MAP3K13: variants seen among roughly 807,000 people sequenced by gnomAD.
MAP3K13 encodes the protein mitogen-activated protein kinase kinase kinase 13.
MAP3K13 carries 52 observed loss-of-function variants against 104.0 expected under a neutral mutation model. The observed-to-expected ratio is 0.50, with a 90% CI of 0.40 to 0.63. The LOEUF (loss-of-function observed/expected upper bound fraction) is 0.63. Among genes scored for constraint, MAP3K13 ranks in the 20% least tolerant of loss-of-function variants. The pLI is 0.00. For missense variants in MAP3K13, 914 were observed against 1,218.5 expected (o/e 0.75, Z 3.72); for synonymous variants, 394 against 442.2 (o/e 0.89, Z 1.37).
intron 2 of MAP3K13, among the ~76,000 whole-genome samples, chr3:185,433,962 T>G (rs1714887252): frequency 8.1e-6 from 1 of 123,662 alleles, no homozygotes; most frequent in African/African-American, 2.7e-5. Context: ...TATTTGGGAA[T>G]CATTAAATAG....
chr3:185,304,720 G>T (rs879464468), intron 2 of MAP3K13, among the ~76,000 whole-genome samples: 2 of 152,020 alleles, frequency 1.3e-5, no homozygotes, highest in Non-Finnish European at 2.9e-5. Flanking sequence ...TGCAACCTCT[G>T]CCTCCCGGGT....
chr3:185,376,503 G>A (rs553131421), intron 1 of MAP3K13, among the ~76,000 whole-genome samples: 9 of 152,226 alleles, frequency 5.9e-5, no homozygotes, highest in East Asian at 1.9e-4. Context: ...TGAGAACTCC[G>A]ACCACACAGC....
At chr3:185,415,262 C>T (rs1713681923) in intron 1 of MAP3K13, among the ~76,000 whole-genome samples, 1 of 152,098 alleles carries the variant, frequency 6.6e-6, no homozygotes, top group African/African-American at 2.4e-5. Context: ...AAGAGGTTCT[C>T]ATGCCTCAGC....
chr3:185,369,021 C>G (rs892453679), intron 1 of MAP3K13, among the ~76,000 whole-genome samples: 1 of 150,670 alleles, frequency 6.6e-6, no homozygotes, highest in African/African-American at 2.4e-5. Context: ...TTTTTCTATT[C>G]ATTTAATCAA....
At chr3:185,341,253 G>C (rs1053439394) in intron 2 of MAP3K13, among the ~76,000 whole-genome samples, 1 of 152,162 alleles carries the variant, frequency 6.6e-6, no homozygotes, top group African/African-American at 2.4e-5. Context: ...ATAAGAAGAG[G>C]AGAGGACACA....
In MAP3K13 at chr3:185,473,393, C is replaced by G. The variant is rs1717922548; in HGVS notation, c.2062C>G (p.Gln688Glu). 1 of 1,614,100 alleles carries G rather than the reference C, an allele frequency of 6.2e-7. No homozygotes were observed. Residue 688 changes from glutamine to glutamate, a missense_variant, in exon 11 of 14, where the codon CAG becomes GAG. By Grantham distance (29) the Gln-to-Glu change is conservative. Around this residue, in one of 3 missense-constraint regions of MAP3K13, gnomAD observed 583 missense variants for 737.4 expected, o/e 0.79. Transcript: ENST00000265026. The surrounding 1 kb of genome is among the most constrained non-coding windows in gnomAD (Gnocchi z 4.9). ...ALRSPLSNHAQRQLPGSSPDL... is the reference protein window; with the variant it reads ...ALRSPLSNHAERQLPGSSPDL... ...GCGGAGCCCACTCAGCAACCATGCT[C>G]AGAGACAGCTGCCCGGCTCGAGCCC...
chr3:185,329,296 G>A, intron 2 of MAP3K13: 1 of 701,454 alleles, frequency 1.4e-6, no homozygotes, highest in East Asian at 2.7e-5. Context: ...GCAGTGCTTA[G>A]ATTTATCCTC....
intron 1 of MAP3K13, among the ~76,000 whole-genome samples, chr3:185,407,869 ATTTTTTTTTTT>A (rs35693572): frequency 1.4e-5 from 1 of 69,096 alleles, no homozygotes; most frequent in Non-Finnish European, 2.7e-5. Context: ...AATTTTGAGA[ATTTTTTTTTTT>A]TTTTTTTTTT....
At chr3:185,407,857 A>G (rs920752176) in intron 1 of MAP3K13, among the ~76,000 whole-genome samples, 15 of 144,574 alleles carry the variant, frequency 1.0e-4, no homozygotes, top group Non-Finnish European at 2.1e-4. Flanking sequence ...ATTTCCTTGT[A>G]GAATTTTGAG....
At chr3:185,415,110 T>A (rs13097816) in intron 1 of MAP3K13, among the ~76,000 whole-genome samples, 25,326 of 152,136 alleles carry the variant, frequency 0.17, 2,275 homozygotes, top group African/African-American at 0.25. Flanking sequence ...AGCAGCACAC[T>A]ATCCATCACT....
intron 1 of MAP3K13, among the ~76,000 whole-genome samples, chr3:185,404,737 C>T (rs560691194): frequency 2.6e-5 from 4 of 152,028 alleles, no homozygotes; most frequent in African/African-American, 4.8e-5. Flanking sequence ...CCACCACGCC[C>T]GGCTAATTTT....
At chr3:185,468,014 T>C (rs899002334) in intron 10 of MAP3K13, among the ~76,000 whole-genome samples, 3 of 152,058 alleles carry the variant, frequency 2.0e-5, no homozygotes, top group South Asian at 4.2e-4. Context: ...TTCCTTTAAA[T>C]AACCAAATCT....
chr3:185,322,084 A>G (rs879245930), intron 2 of MAP3K13, among the ~76,000 whole-genome samples: 11 of 152,232 alleles, frequency 7.2e-5, no homozygotes, highest in African/African-American at 2.4e-4. Flanking sequence ...TTGTCTTTAA[A>G]AGCTCATGTA....
chr3:185,455,552 T>TGATATATGA lies in MAP3K13; in HGVS notation c.1278+4164_1278+4165insGAGATATAT, dbSNP rs544971566. On this transcript the variant is annotated intron_variant, in intron 7 of 13. Transcript: ENST00000265026. ...ATATGAGATATATATGACATATATA[T>TGATATATGA]GATATATATGAGATATATATGACAT... Among the ~76,000 whole-genome samples, 5 of 51,514 alleles carry TGATATATGA rather than the reference T, an allele frequency of 9.7e-5. 1 individual carries two copies. The highest frequency in any genetic ancestry group is 1.5e-4 in the African/African-American group (3 of 19,782). The allele number at this position is 51,514 out of a possible 152,430, so 33.8% of individuals were successfully genotyped here.
chr3:185,353,881 A>C (rs924120853), intron 2 of MAP3K13, among the ~76,000 whole-genome samples: 1 of 152,098 alleles, frequency 6.6e-6, no homozygotes, highest in Admixed American at 6.5e-5. Context: ...GAAACTGACC[A>C]TAACCACACC....
chr3:185,444,139 A>G (rs1715471055), intron 4 of MAP3K13, among the ~76,000 whole-genome samples: 1 of 152,196 alleles, frequency 6.6e-6, no homozygotes, highest in Admixed American at 6.5e-5. Context: ...GTTTGAGACC[A>G]GCCTGACCAA....
intron 7 of MAP3K13, among the ~76,000 whole-genome samples, chr3:185,462,257 C>T (rs1717150118): frequency 6.6e-6 from 1 of 151,858 alleles, no homozygotes; most frequent in African/African-American, 2.4e-5. Context: ...TGGTTTTTTT[C>T]TACCCCCTAA....
chr3:185,358,270 T>A (rs1193311854), upstream of MAP3K13, among the ~76,000 whole-genome samples: 1 of 152,168 alleles, frequency 6.6e-6, no homozygotes. Flanking sequence ...ATTACACTGT[T>A]ATCATCTAAA....
At chr3:185,453,358 G>C (rs1340396983) in intron 7 of MAP3K13, among the ~76,000 whole-genome samples, 1 of 152,028 alleles carries the variant, frequency 6.6e-6, no homozygotes, top group Non-Finnish European at 1.5e-5. Context: ...TTCAGTCTCA[G>C]AAAAGACATT....
Sources: gnomAD v4.1 joint callset for allele counts (sites outside exome capture counted in the v4.1 genomes callset) on GRCh38, gnomAD v4.1.1 for gene constraint, gnomAD v4.1.1 regional missense constraint, Gnocchi (gnomAD v3.1) non-coding constraint, MANE v1.5 for transcripts, NCBI Gene and HGNC (gene_info 2026-07-23, HGNC 2026-07-21) for gene names.